NRIP1: variants seen among roughly 807,000 people sequenced by gnomAD.
NRIP1 encodes the protein nuclear receptor interacting protein 1.
A neutral mutation model predicts 75.0 loss-of-function variants in NRIP1; 28 were observed. That is an observed-to-expected ratio of 0.37 (90% confidence interval 0.28 to 0.51). The LOEUF (loss-of-function observed/expected upper bound fraction) is 0.51. Among genes scored for constraint, NRIP1 ranks in the 20% least tolerant of loss-of-function variants. The pLI is 0.92. For synonymous variants in NRIP1, 526 were observed against 487.6 expected (o/e 1.08, Z -1.04); for missense variants, 1,435 against 1,343.7 (o/e 1.07, Z -1.06).
At chr21:15,059,679 G>A (rs2089382529) in intron 1 of NRIP1, among the ~76,000 whole-genome samples, 1 of 152,032 alleles carries the variant, frequency 6.6e-6, no homozygotes, top group African/African-American at 2.4e-5. Context: ...TGTTTAGCAG[G>A]TAATTATTTG....
At chr21:14,975,333 C>T (rs975276485) in intron 3 of NRIP1, among the ~76,000 whole-genome samples, 3 of 152,004 alleles carry the variant, frequency 2.0e-5, no homozygotes, top group Admixed American at 1.3e-4. Context: ...CAGAAAAATA[C>T]TGAATCATCA....
chr21:15,017,245 C>T (rs528098958), intron 2 of NRIP1, among the ~76,000 whole-genome samples: 2 of 152,142 alleles, frequency 1.3e-5, no homozygotes, highest in Admixed American at 6.5e-5. Flanking sequence ...TTTTTAGAGA[C>T]GAGGATCTCG....
At chr21:15,035,959 G>A (rs955044051) in intron 2 of NRIP1, among the ~76,000 whole-genome samples, 2 of 152,050 alleles carry the variant, frequency 1.3e-5, no homozygotes, top group East Asian at 1.9e-4. Flanking sequence ...AAATTACTGC[G>A]AAAATGGCAA....
intron 2 of NRIP1, among the ~76,000 whole-genome samples, chr21:15,031,788 C>A (rs1449456079): frequency 2.1e-5 from 3 of 143,240 alleles, no homozygotes; most frequent in Non-Finnish European, 4.6e-5. Flanking sequence ...CTCTGGAAGG[C>A]GCTCGGAGGA....
rs60376904 is a variant in NRIP1, at chr21:15,024,567, AGTGTGT to A, written c.-457-10107_-457-10102del. Among the ~76,000 whole-genome samples the A allele has an allele frequency of 2.9e-3, 417 of 145,664 alleles. 2 individuals are homozygous for A. The highest frequency in any genetic ancestry group is 0.014 in the Middle Eastern group (4 of 290). Reference sequence around the variant, plus strand: ...ACACACACAAAACTTTGGTATCCAGAGTGTGTGTGTGTGTGTGTGTGTGTGTGTGTC... The same window carrying A: ...ACACACACAAAACTTTGGTATCCAGAGTGTGTGTGTGTGTGTGTGTGTGTC... On this transcript the variant is annotated intron_variant, in intron 2 of 3. Coordinates refer to ENST00000318948, the MANE Select transcript of NRIP1 (RefSeq NM_003489.4).
intron 2 of NRIP1, among the ~76,000 whole-genome samples, chr21:15,035,508 A>G (rs2088811439): frequency 6.6e-6 from 1 of 152,142 alleles, no homozygotes; most frequent in Non-Finnish European, 1.5e-5. Flanking sequence ...TTTAAAACTA[A>G]GAAAATAGCT....
intron 3 of NRIP1, among the ~76,000 whole-genome samples, chr21:14,985,354 AAATT>A (rs1375581536): frequency 1.3e-5 from 2 of 152,362 alleles, no homozygotes; most frequent in South Asian, 2.1e-4. Flanking sequence ...CCTGGAATAT[AAATT>A]AATAAAAAGG....
chr21:14,990,811 T>C (rs962121962), intron 3 of NRIP1, among the ~76,000 whole-genome samples: 6 of 152,202 alleles, frequency 3.9e-5, no homozygotes, highest in African/African-American at 1.4e-4. Context: ...AGCTAACTTC[T>C]ATCATTTCTA....
chr21:14,989,565 G>C (rs2087511374), intron 3 of NRIP1, among the ~76,000 whole-genome samples: 1 of 152,204 alleles, frequency 6.6e-6, no homozygotes, highest in Non-Finnish European at 1.5e-5. Context: ...TGGGAAGGAA[G>C]CCAGCATAGG....
intron 3 of NRIP1, among the ~76,000 whole-genome samples, chr21:14,970,357 C>G (rs2086868777): frequency 6.6e-6 from 1 of 152,056 alleles, no homozygotes; most frequent in African/African-American, 2.4e-5. Context: ...ACCAACCTGA[C>G]CAAAATGGTG....
Position 14,967,767 on chromosome 21 carries a change from A to C in NRIP1, c.426T>G (p.Ser142=), listed in dbSNP as rs1483373246. 6.2e-7 allele frequency: 1 copy of C among 1,614,156 alleles called. No individual in the cohort carries two copies. Among genetic ancestry groups the C allele is most frequent in the African/African-American group, 1.3e-5 (1 of 75,062 alleles). The part of the protein sequence containing the change: ...LLASLLQSFS[S]RLQTVALSQQ... ...GTGACAGAGCAACAGTCTGCAGCCT[A>C]GAGCTGAATGACTGAAGCAAAGAGG... Residue 142 remains serine, a synonymous_variant, in exon 4 of 4, where the codon TCT becomes TCG. Coordinates refer to ENST00000318948, the MANE Select transcript of NRIP1 (RefSeq NM_003489.4).
chr21:15,055,130 G>A (rs1475684939), intron 1 of NRIP1, among the ~76,000 whole-genome samples: 1 of 152,136 alleles, frequency 6.6e-6, no homozygotes, highest in Non-Finnish European at 1.5e-5. Context: ...TCCACACAGT[G>A]CCCCCTCATC....
intron 2 of NRIP1, among the ~76,000 whole-genome samples, chr21:15,025,867 T>A (rs1384524720): frequency 1.3e-5 from 2 of 152,188 alleles, no homozygotes; most frequent in African/African-American, 4.8e-5. Context: ...AGTCAAAGAC[T>A]GAAGAACTGT....
Position 14,998,743 on chromosome 21 carries a change from A to G in NRIP1, c.-335+15601T>C, listed in dbSNP as rs77049243. ...AGTGAATATATTTTCTCTTCCTTAT[A>G]GTTTTCTTCAGACATCTTTCCTCTA... On this transcript the variant is annotated intron_variant, in intron 3 of 3. Transcript: ENST00000318948. 0.018 allele frequency among the ~76,000 whole-genome samples: 2,777 copies of G among 152,270 alleles called. 229 individuals are homozygous for G. In the East Asian group the frequency reaches 0.27, roughly 15 times the overall value.
intron 1 of NRIP1, among the ~76,000 whole-genome samples, chr21:15,064,081 G>T (rs1053631783): frequency 6.6e-6 from 1 of 152,238 alleles, no homozygotes; most frequent in African/African-American, 2.4e-5. Flanking sequence ...GGTGGACACA[G>T]AAGAAGGGAG....
At chr21:14,988,530 T>C (rs2087475587) in intron 3 of NRIP1, among the ~76,000 whole-genome samples, 1 of 151,658 alleles carries the variant, frequency 6.6e-6, no homozygotes, top group Non-Finnish European at 1.5e-5. Context: ...TATATATATA[T>C]ATATCCTGAA....
chr21:14,965,023 T>G lies in NRIP1; in HGVS notation c.3170A>C (p.Asp1057Ala), dbSNP rs2086687703. ...GTTGGTTTTGGTCAATCTTGGAGAG[T>G]CTTTTTCATACTCATTCTTCTCCGC... ...TDAEKNEYEKDSPRLTKTNPI... is the reference protein window; with the variant it reads ...TDAEKNEYEKASPRLTKTNPI... The change falls in exon 4 of 4, where the codon GAC (aspartate) becomes GCC (alanine). Residue 1057 changes from aspartate to alanine, a missense_variant. Asp to Ala is a moderately radical substitution (Grantham distance 126). Coordinates refer to ENST00000318948, the MANE Select transcript of NRIP1 (RefSeq NM_003489.4). 1 of 1,613,856 alleles carries G rather than the reference T, an allele frequency of 6.2e-7. No individual in the cohort carries two copies. The highest frequency in any genetic ancestry group is 8.5e-7 in the Non-Finnish European group (1 of 1,179,922).
rs1437531119 is a variant in NRIP1 at position 14,963,645 on chromosome 21, G to T, written c.*1071C>A. 6.6e-6 allele frequency: 1 copy of T among 152,052 alleles called. No homozygotes were observed. Among genetic ancestry groups the T allele is most frequent in the African/African-American group, 2.4e-5 (1 of 41,426 alleles). The allele number at this position is 152,052 out of a possible 1,614,324, so 9.4% of individuals were successfully genotyped here. ...TTCTCAAACACAAGAAACACCTAGA[G>T]AGCATGTTAAGATGCAGATGGAAGA... On this transcript the variant is annotated 3_prime_UTR_variant, in exon 4 of 4. Transcript: ENST00000318948.
At chr21:15,050,873 C>T (rs2089186359) in intron 1 of NRIP1, 1 of 455,936 alleles carries the variant, frequency 2.2e-6, no homozygotes, top group Non-Finnish European at 4.4e-6. Flanking sequence ...CAATATTCCC[C>T]TGCCTGGTAT....
Sources: allele counts gnomAD v4.1 joint callset (sites outside exome capture counted in the v4.1 genomes callset), GRCh38; gene constraint gnomAD v4.1.1; transcripts MANE v1.5; gene names NCBI Gene and HGNC (gene_info 2026-07-23, HGNC 2026-07-21).